The following R3HDM1 variants were observed in gnomAD, a reference collection of about 807,000 sequenced individuals.
R3HDM1 encodes the protein R3H domain-containing protein 1.
Under a neutral mutation model 141.1 loss-of-function variants are expected in R3HDM1, and 46 were observed. That is an observed-to-expected ratio of 0.33 (90% CI 0.26 to 0.42). The LOEUF (loss-of-function observed/expected upper bound fraction) is 0.42. Among genes scored for constraint, R3HDM1 ranks in the 10% least tolerant of loss-of-function variants. R3HDM1 has a pLI of 1.00. For synonymous variants in R3HDM1, 435 were observed against 472.9 expected (o/e 0.92, Z 1.04); for missense variants, 1,184 against 1,368.3 (o/e 0.87, Z 2.12).
rs2069000405 is a variant in R3HDM1 at position 135,675,373 on chromosome 2, A to G, written c.2194A>G (p.Ile732Val). 4 of 1,613,888 alleles carry G rather than the reference A, an allele frequency of 2.5e-6. No homozygotes were observed. Among genetic ancestry groups the G allele is most frequent in the Middle Eastern group, 1.6e-4 (1 of 6,082 alleles). Residue 732 changes from isoleucine (I) to valine (V), a missense_variant, in exon 20 of 27, where the codon ATA becomes GTA. Transcript: ENST00000683871. ...IPNQQQNYQG[I>V]VGVQQPQSQS... ...CAACCAGCAGCAAAACTACCAAGGA[A>G]TAGTTGGAGTTCAGCAACCCCAGAG...
At chr2:135,690,637 GA>G (rs2072215469) in intron 21 of R3HDM1, among the ~76,000 whole-genome samples, 1 of 152,026 alleles carries the variant, frequency 6.6e-6, no homozygotes, top group African/African-American at 2.4e-5. Flanking sequence ...AAATGTAAAA[GA>G]AAAAAAGTTA....
At chr2:135,636,805 A>G (rs78371888) in intron 11 of R3HDM1, among the ~76,000 whole-genome samples, 14 of 152,014 alleles carry the variant, frequency 9.2e-5, no homozygotes, top group Admixed American at 8.5e-4. Flanking sequence ...AAAAAAAAAA[A>G]AGAAGATTAA....
chr2:135,701,483 A>G (rs2074199136), intron 21 of R3HDM1, among the ~76,000 whole-genome samples: 2 of 152,184 alleles, frequency 1.3e-5, no homozygotes, highest in African/African-American at 4.8e-5. Flanking sequence ...GATGAAATGC[A>G]TATGTGATGA....
At position 135,531,524 on chromosome 2, in the gene R3HDM1, C is replaced by T; in HGVS notation, c.-359C>T. 1.0e-6 allele frequency: 1 copy of T among 985,728 alleles called. No homozygotes were observed. 61.1% of individuals were successfully genotyped at this position (985,728 alleles called of 1,614,324 possible). On this transcript the variant is annotated 5_prime_UTR_variant, in exon 1 of 27. Transcript: ENST00000683871. ...GCTGCCGCTGGAGCCGGTGTCCGGGCTGGTGATGGGGTTAATTCCCTTTCG... is the reference window on the plus strand; with the variant it reads ...GCTGCCGCTGGAGCCGGTGTCCGGGTTGGTGATGGGGTTAATTCCCTTTCG...
chr2:135,653,832 G>A (rs555039988), intron 18 of R3HDM1, among the ~76,000 whole-genome samples: 4 of 152,248 alleles, frequency 2.6e-5, no homozygotes, highest in African/African-American at 9.6e-5. Flanking sequence ...GTAGCGTGAG[G>A]CAGGAGAATT....
chr2:135,621,139 T>C (rs1305862444), intron 5 of R3HDM1, among the ~76,000 whole-genome samples: 1 of 152,044 alleles, frequency 6.6e-6, no homozygotes, highest in Non-Finnish European at 1.5e-5. Context: ...ATAATTATGC[T>C]CTTGCTTGGC....
At chr2:135,642,224 A>G (rs1472975144) in intron 15 of R3HDM1, among the ~76,000 whole-genome samples, 18 of 152,144 alleles carry the variant, frequency 1.2e-4, no homozygotes, top group Non-Finnish European at 4.4e-5. Flanking sequence ...GAGGGGGGAA[A>G]AATAATTATC....
At chr2:135,643,569 CT>C (rs1316940610) in intron 15 of R3HDM1, among the ~76,000 whole-genome samples, 8 of 151,986 alleles carry the variant, frequency 5.3e-5, no homozygotes. Context: ...CTTCTTGTTT[CT>C]TTTTTTAACA....
At position 135,692,466 on chromosome 2, in the gene R3HDM1, C is replaced by T. The variant is rs2072569427; in HGVS notation, c.2459+12142C>T. Among the ~76,000 whole-genome samples, 2 of 152,088 alleles carry T rather than the reference C, an allele frequency of 1.3e-5. 1 individual carries two copies. Among genetic ancestry groups the T allele is most frequent in the African/African-American group, 4.8e-5 (2 of 41,408 alleles). ...CATTAGCTGGGCGTGGTGGCACATG[C>T]CTGTATTCTCAGCTACTCAGGAGGC... On this transcript the variant is annotated intron_variant, in intron 21 of 26. Coordinates refer to ENST00000683871, the MANE Select transcript of R3HDM1 (RefSeq NM_001378107.1).
chr2:135,629,695 G>T (rs541631962), intron 7 of R3HDM1, among the ~76,000 whole-genome samples: 9 of 152,150 alleles, frequency 5.9e-5, no homozygotes, highest in Non-Finnish European at 1.3e-4. Flanking sequence ...AATAAACCAG[G>T]ATGATAACAG....
chr2:135,544,192 C>A (rs1698216119), intron 1 of R3HDM1, among the ~76,000 whole-genome samples: 1 of 152,164 alleles, frequency 6.6e-6, no homozygotes, highest in South Asian at 2.1e-4. Flanking sequence ...ATAGGATTAG[C>A]TAATTTTTTT....
intron 1 of R3HDM1, among the ~76,000 whole-genome samples, chr2:135,591,538 A>T (rs190495049): frequency 6.6e-6 from 1 of 152,240 alleles, no homozygotes; most frequent in Non-Finnish European, 1.5e-5. Flanking sequence ...GATTATGCTC[A>T]TAATGATGTT....
At chr2:135,694,842 G>A (rs1293337624) in intron 21 of R3HDM1, among the ~76,000 whole-genome samples, 2 of 152,080 alleles carry the variant, frequency 1.3e-5, no homozygotes, top group African/African-American at 4.8e-5. Context: ...CACTACTTGA[G>A]GCCAGGAAAA....
At chr2:135,667,277 A>G (rs984648728) in intron 19 of R3HDM1, 5 of 894,860 alleles carry the variant, frequency 5.6e-6, no homozygotes, top group African/African-American at 5.4e-5. Context: ...CCATCAGTTT[A>G]TATTGTCCTA....
chr2:135,539,251 CAT>C (rs1425384727), intron 1 of R3HDM1, among the ~76,000 whole-genome samples: 5 of 151,970 alleles, frequency 3.3e-5, no homozygotes, highest in Non-Finnish European at 7.4e-5. Context: ...AAATCAGTAT[CAT>C]AGTCATTTAT....
chr2:135,636,047 C>A, intron 10 of R3HDM1, 41 bp from the exon 11 acceptor site: 1 of 1,610,414 alleles, frequency 6.2e-7, no homozygotes, highest in Admixed American at 1.7e-5. Flanking sequence ...ACATACTATA[C>A]CAGTAGTTCA....
intron 21 of R3HDM1, among the ~76,000 whole-genome samples, chr2:135,698,623 A>T (rs956251508): frequency 1.1e-4 from 17 of 152,196 alleles, no homozygotes; most frequent in Non-Finnish European, 5.9e-5. Context: ...CCTGAGACTG[A>T]GTAATCTATA....
chr2:135,653,740 C>T (rs1446241157), intron 18 of R3HDM1, among the ~76,000 whole-genome samples: 1 of 151,924 alleles, frequency 6.6e-6, no homozygotes, highest in African/African-American at 2.4e-5. Context: ...GCCTGTAATC[C>T]CAAATGGTGA....
At chr2:135,723,892 T>C in intron 26 of R3HDM1, 45 bp from the exon 27 acceptor site, 2 of 1,501,010 alleles carry the variant, frequency 1.3e-6, no homozygotes, top group East Asian at 2.3e-5. Flanking sequence ...TACCCAACTT[T>C]TTTGGTAACA....
Sources: allele counts gnomAD v4.1 joint callset (sites outside exome capture counted in the v4.1 genomes callset), GRCh38; gene constraint gnomAD v4.1.1; transcripts MANE v1.5; gene names NCBI Gene and HGNC (gene_info 2026-07-23, HGNC 2026-07-21).